The following SOCS5 variants were observed in gnomAD, a reference collection of about 807,000 sequenced individuals.
SOCS5 encodes suppressor of cytokine signaling 5.
A neutral mutation model predicts 42.8 loss-of-function variants in SOCS5; 32 were observed. That is an observed-to-expected ratio of 0.75 (90% CI 0.56 to 1.01). The LOEUF is 1.01. Among genes scored for constraint, SOCS5 ranks in the 50% least tolerant of loss-of-function variants. The pLI is 0.00. For synonymous variants in SOCS5, 283 were observed against 229.6 expected (o/e 1.23, Z -2.10); for missense variants, 627 against 653.0 (o/e 0.96, Z 0.43).
intron 1 of SOCS5, among the ~76,000 whole-genome samples, chr2:46,728,568 C>T (rs1673045442): frequency 6.6e-6 from 1 of 152,070 alleles, no homozygotes; most frequent in African/African-American, 2.4e-5. Flanking sequence ...TTTATTTCTT[C>T]CTTTTCAAGA....
chr2:46,755,842 C>G (rs1553338593), intron 1 of SOCS5, among the ~76,000 whole-genome samples: 1 of 152,146 alleles, frequency 6.6e-6, no homozygotes, highest in Non-Finnish European at 1.5e-5. Flanking sequence ...AGTTGAAATG[C>G]CTTCCTGATT....
intron 1 of SOCS5, among the ~76,000 whole-genome samples, chr2:46,722,252 C>T (rs1672900525): frequency 6.6e-6 from 1 of 152,046 alleles, no homozygotes; most frequent in African/African-American, 2.4e-5. Flanking sequence ...CTCCTTCCAG[C>T]TGTCTTCATT....
intron 1 of SOCS5, among the ~76,000 whole-genome samples, chr2:46,754,611 A>G (rs900737585): frequency 6.6e-6 from 1 of 152,132 alleles, no homozygotes; most frequent in African/African-American, 2.4e-5. Flanking sequence ...TTGAGTGTAC[A>G]TGGTCTACTG....
chr2:46,751,148 TC>T (rs1235806920), intron 1 of SOCS5, among the ~76,000 whole-genome samples: 1 of 152,122 alleles, frequency 6.6e-6, no homozygotes, highest in Non-Finnish European at 1.5e-5. Context: ...TAATTATTAC[TC>T]GTAGGGTTGT....
At chr2:46,702,722 CAT>C (rs141387761) in intron 1 of SOCS5, among the ~76,000 whole-genome samples, 3,326 of 152,262 alleles carry the variant, frequency 0.022, 129 homozygotes, top group African/African-American at 0.076. Context: ...AATTTTATAA[CAT>C]ATGGTTCTTT....
At chr2:46,701,184 A>G (rs1307746876) in intron 1 of SOCS5, among the ~76,000 whole-genome samples, 1 of 152,224 alleles carries the variant, frequency 6.6e-6, no homozygotes, top group African/African-American at 2.4e-5. Flanking sequence ...CTTCTACATT[A>G]TTCACCTTGA....
chr2:46,719,069 C>G (rs1303019942), intron 1 of SOCS5, among the ~76,000 whole-genome samples: 1 of 152,032 alleles, frequency 6.6e-6, no homozygotes, highest in Non-Finnish European at 1.5e-5. Flanking sequence ...TAACCAAATA[C>G]CATAAAACTA....
chr2:46,706,045 G>C (rs1003747285), intron 1 of SOCS5, among the ~76,000 whole-genome samples: 12 of 152,180 alleles, frequency 7.9e-5, no homozygotes, highest in Non-Finnish European at 1.5e-4. Flanking sequence ...TGCCGGGCCA[G>C]AAAGTCCAAG....
intron 1 of SOCS5, among the ~76,000 whole-genome samples, chr2:46,700,991 C>G (rs1423650904): frequency 6.6e-6 from 1 of 152,126 alleles, no homozygotes; most frequent in Non-Finnish European, 1.5e-5. Context: ...GAAAACATTT[C>G]TGCAAAAAGG....
chr2:46,745,678 AC>A (rs1673480263), intron 1 of SOCS5, among the ~76,000 whole-genome samples: 1 of 152,188 alleles, frequency 6.6e-6, no homozygotes, highest in South Asian at 2.1e-4. Flanking sequence ...TAGAGGAAGG[AC>A]TACCTGGGCT....
chr2:46,744,229 A>C (rs567713906), intron 1 of SOCS5, among the ~76,000 whole-genome samples: 35 of 152,288 alleles, frequency 2.3e-4, no homozygotes, highest in African/African-American at 8.4e-4. Context: ...ACCTCAAGTG[A>C]TCCGCCTGCC....
In SOCS5 at chr2:46,758,967, G is replaced by A. The variant is rs768070642; in HGVS notation, c.437G>A (p.Arg146Gln). The A allele has an allele frequency of 3.7e-6, 6 of 1,613,822 alleles. No individual in the cohort carries two copies. In the East Asian group the frequency reaches 1.1e-4, roughly 30 times the overall value. Residue 146 changes from arginine (R) to glutamine (Q), a missense_variant, in exon 2 of 2, where the codon CGA becomes CAA. By Grantham distance (43) the Arg-to-Gln change is conservative (BLOSUM62 1). Transcript: ENST00000394861. ...GCTGATAAAAAGTTTGGTAGAACTCGAAGTGGACTTCAAAGGAGAGAGAGG... is the reference window on the plus strand; with the variant it reads ...GCTGATAAAAAGTTTGGTAGAACTCAAAGTGGACTTCAAAGGAGAGAGAGG... ...LDADKKFGRT[R>Q]SGLQRRERRY...
At chr2:46,707,242 A>G (rs1209007259) in intron 1 of SOCS5, among the ~76,000 whole-genome samples, 1 of 152,190 alleles carries the variant, frequency 6.6e-6, no homozygotes, top group African/African-American at 2.4e-5. Flanking sequence ...TTTAACATCA[A>G]TTTACTGTAA....
intron 1 of SOCS5, among the ~76,000 whole-genome samples, chr2:46,746,688 T>G (rs950558322): frequency 6.6e-6 from 1 of 151,966 alleles, no homozygotes; most frequent in Non-Finnish European, 1.5e-5. Flanking sequence ...CCTTTAAGGT[T>G]ATATATTTTT....
chr2:46,721,325 A>ACTT (rs2103712516), intron 1 of SOCS5, among the ~76,000 whole-genome samples: 1 of 152,292 alleles, frequency 6.6e-6, no homozygotes, highest in South Asian at 2.1e-4. Context: ...CAAGTCTCTG[A>ACTT]GGCCCTGTAT....
chr2:46,716,355 T>C (rs1572832605), intron 1 of SOCS5, among the ~76,000 whole-genome samples: 1 of 148,846 alleles, frequency 6.7e-6, no homozygotes, highest in African/African-American at 2.5e-5. Context: ...TTTCATGATG[T>C]TGAGTGTCTT....
intron 1 of SOCS5, among the ~76,000 whole-genome samples, chr2:46,730,683 T>C (rs1366048360): frequency 6.6e-6 from 1 of 152,226 alleles, no homozygotes; most frequent in African/African-American, 2.4e-5. Flanking sequence ...TATAACTAAA[T>C]TTAATTTGCA....
chr2:46,711,819 G>C (rs1281583008), intron 1 of SOCS5, among the ~76,000 whole-genome samples: 1 of 152,128 alleles, frequency 6.6e-6, no homozygotes, highest in Non-Finnish European at 1.5e-5. Context: ...CATATAGATA[G>C]CTAATTGTTC....
chr2:46,749,081 T>C lies in SOCS5; in HGVS notation c.-12-9438T>C, dbSNP rs542029658. On this transcript the variant is annotated intron_variant, in intron 1 of 1. Transcript: ENST00000394861. ...TTGATGCCCTGTGCTCTAGTAAGCA[T>C]GATCAGTAGAGGCAGTGCTGACAGT... is the stretch of plus-strand genomic sequence containing the variant. 1.1e-4 allele frequency among the ~76,000 whole-genome samples: 16 copies of C among 152,320 alleles called. No individual in the cohort carries two copies. The South Asian group carries it at 1.9e-3, about 18-fold the overall frequency.
Sources: gnomAD v4.1 joint callset for allele counts (sites outside exome capture counted in the v4.1 genomes callset) on GRCh38, gnomAD v4.1.1 for gene constraint, MANE v1.5 for transcripts, NCBI Gene and HGNC (gene_info 2026-07-23, HGNC 2026-07-21) for gene names.